Variants in TMEM232 observed in about 807,000 individuals in gnomAD.
TMEM232 encodes the protein transmembrane protein 232.
TMEM232 carries 80 observed loss-of-function variants against 78.8 expected under a neutral mutation model. The ratio of observed to expected loss-of-function variants is 1.01; its 90% CI spans 0.85 to 1.22. The LOEUF is 1.22. Among genes scored for constraint, TMEM232 ranks in the 50% most tolerant of loss-of-function variants. The pLI is 0.00. For synonymous variants in TMEM232, 297 were observed against 254.3 expected, an observed-to-expected ratio of 1.17 and a Z score of -1.60; for missense variants, 881 against 742.2, an observed-to-expected ratio of 1.19 and a Z score of -2.17.
chr5:110,420,137 A>C lies in TMEM232; in HGVS notation c.*443T>G, dbSNP rs1035901531. ...AAGATGCCATACTGTTTTTATTTGA[A>C]TAATAGTAATTACAGGATTGTTAGT... On this transcript the variant is annotated 3_prime_UTR_variant, in exon 14 of 14. Coordinates refer to ENST00000455884, the MANE Select transcript of TMEM232 (RefSeq NM_001039763.4). 1 of 152,684 alleles carries C rather than the reference A, an allele frequency of 6.5e-6. No homozygotes were observed. The highest frequency in any genetic ancestry group is 6.5e-5 in the Admixed American group (1 of 15,278). The allele number at this position is 152,684 out of a possible 1,614,324, so 9.5% of individuals were successfully genotyped here.
At position 110,618,513 on chromosome 5, in the gene TMEM232, G is replaced by C. The variant is rs1331081501; in HGVS notation, c.818C>G (p.Ser273Cys). The part of the protein sequence containing the change: ...HLLWHCVAAW[S>C]CVQNNSPQLN... Reference sequence around the variant, plus strand: ...CTGAGGACTGTTATTCTGAACACAAGACCAAGCAGCAACACAGTGCCAGAG... The same window carrying C: ...CTGAGGACTGTTATTCTGAACACAACACCAAGCAGCAACACAGTGCCAGAG... The change falls in exon 8 of 14, where the codon TCT (serine) becomes TGT (cysteine). Residue 273 changes from serine (S) to cysteine (C), a missense_variant. Physicochemically the swap from Ser to Cys is moderately radical, Grantham distance 112 (BLOSUM62 -1). Transcript: ENST00000455884. The C allele has an allele frequency of 6.4e-7, 1 of 1,551,634 alleles. No individual in the cohort carries two copies. Among genetic ancestry groups the C allele is most frequent in the Admixed American group, 2.0e-5 (1 of 50,894 alleles).
intron 5 of TMEM232, among the ~76,000 whole-genome samples, chr5:110,631,122 G>A (rs1252595675): frequency 6.6e-6 from 1 of 152,106 alleles, no homozygotes; most frequent in African/African-American, 2.4e-5. Flanking sequence ...CTACCCAGCA[G>A]CCTACAGTGG....
chr5:110,656,893 T>C (rs1789152429), intron 2 of TMEM232, among the ~76,000 whole-genome samples: 1 of 151,412 alleles, frequency 6.6e-6, no homozygotes, highest in Non-Finnish European at 1.5e-5. Flanking sequence ...ATTTTAAAAG[T>C]CAGTGGAGAT....
rs201301944 is a variant in TMEM232, at chr5:110,736,378, CA to C, written c.-125-1364del. Among the ~76,000 whole-genome samples the C allele has an allele frequency of 3.8e-3, 572 of 151,496 alleles. 1 individual carries two copies. Among genetic ancestry groups the C allele is most frequent in the Non-Finnish European group, 6.3e-3 (429 of 67,848 alleles). The stretch of plus-strand genomic sequence containing the variant: ...TTTTCTAAAATAATTTTTCTTCTTA[CA>C]AAAAAAAGCTAAGTTTTTAGAGCAA... On this transcript the variant is annotated intron_variant, in intron 1 of 4. Coordinates refer to the TMEM232 transcript ENST00000512886.
intron 5 of TMEM232, among the ~76,000 whole-genome samples, chr5:110,636,514 T>G (rs1580449646): frequency 6.6e-6 from 1 of 151,978 alleles, no homozygotes; most frequent in African/African-American, 2.4e-5. Context: ...AACACTAACA[T>G]GTACTTCATA....
chr5:110,661,516 T>A (rs748385320), intron 2 of TMEM232, among the ~76,000 whole-genome samples: 9 of 152,078 alleles, frequency 5.9e-5, no homozygotes, highest in Non-Finnish European at 1.0e-4. Context: ...TTTGCCATGT[T>A]ACCCAGGCTG....
intron 2 of TMEM232, among the ~76,000 whole-genome samples, chr5:110,656,034 A>G (rs1788999328): frequency 6.6e-6 from 1 of 151,432 alleles, no homozygotes; most frequent in African/African-American, 2.4e-5. Flanking sequence ...GTGCACATGT[A>G]CCCTAAAACT....
chr5:110,738,943 C>A (rs186912891), upstream of TMEM232: 3 of 1,430,736 alleles, frequency 2.1e-6, no homozygotes, highest in Admixed American at 8.7e-5. Context: ...TTAATGGTTG[C>A]CGGAAGAGGC....
chr5:110,738,512 CT>C (rs1465133219), upstream of TMEM232, among the ~76,000 whole-genome samples: 2 of 152,174 alleles, frequency 1.3e-5, no homozygotes, highest in Non-Finnish European at 2.9e-5. Context: ...GTCCACAGTA[CT>C]TTCGCGTTCA....
At chr5:110,443,441 T>C (rs773912294) in intron 12 of TMEM232, among the ~76,000 whole-genome samples, 12 of 152,106 alleles carry the variant, frequency 7.9e-5, no homozygotes, top group Non-Finnish European at 7.4e-5. Flanking sequence ...AGTCAGCTTG[T>C]GGTGAATTAT....
upstream of TMEM232, among the ~76,000 whole-genome samples, chr5:110,728,086 C>T (rs1343252486): frequency 1.3e-5 from 2 of 151,820 alleles, no homozygotes; most frequent in Non-Finnish European, 1.5e-5. Context: ...AAAAGGAAGG[C>T]CGAATAAAAA....
intron 12 of TMEM232, among the ~76,000 whole-genome samples, chr5:110,509,140 A>C (rs1006848722): frequency 6.6e-6 from 1 of 150,856 alleles, no homozygotes; most frequent in Non-Finnish European, 1.5e-5. Context: ...TATTTAAAAA[A>C]ATTTTTTTGG....
chr5:110,718,467 CTTAT>C (rs1797248083), intron 1 of TMEM232, among the ~76,000 whole-genome samples: 1 of 151,840 alleles, frequency 6.6e-6, no homozygotes, highest in Admixed American at 6.6e-5. Flanking sequence ...AGCTGTTAAT[CTTAT>C]TTATGTTCTT....
intron 10 of TMEM232, among the ~76,000 whole-genome samples, chr5:110,601,410 C>T (rs1314703547): frequency 1.3e-5 from 2 of 152,146 alleles, no homozygotes; most frequent in African/African-American, 2.4e-5. Context: ...ACCCCACTGG[C>T]TCAGCCCAAA....
At chr5:110,482,711 T>C (rs1452441920) in intron 12 of TMEM232, among the ~76,000 whole-genome samples, 2 of 151,506 alleles carry the variant, frequency 1.3e-5, no homozygotes, top group East Asian at 3.8e-4. Context: ...CCCGTAAACA[T>C]GAATGAGTAA....
At chr5:110,476,906 A>G (rs777216064) in intron 12 of TMEM232, among the ~76,000 whole-genome samples, 15 of 152,134 alleles carry the variant, frequency 9.9e-5, no homozygotes, top group Non-Finnish European at 1.9e-4. Context: ...TTATAACACC[A>G]ACAGACAGAG....
In TMEM232 at chr5:110,667,345, A is replaced by G. The variant is rs74501411; in HGVS notation, c.8T>C (p.Met3Thr). 166 of 1,506,994 alleles carry G rather than the reference A, an allele frequency of 1.1e-4. 2 individuals are homozygous for G. In the East Asian group the frequency reaches 3.5e-3, roughly 32 times the overall value. 93.4% of individuals were successfully genotyped at this position (1,506,994 alleles called of 1,614,324 possible). The change falls in exon 2 of 14, where the codon ATG becomes ACG. Residue 3 changes from methionine (M) to threonine (T), a missense_variant. Physicochemically the swap from Met to Thr is moderately conservative, Grantham distance 81. Coordinates refer to ENST00000455884, the MANE Select transcript of TMEM232 (RefSeq NM_001039763.4). ...AATCATAGGTGATTTGTTAACAGGC[A>G]TATTCATAAATCATAAATTCTAAAA... is the stretch of plus-strand genomic sequence containing the variant. Reference protein sequence around the residue: MNMPVNKSPMINT... With the variant: MNTPVNKSPMINT...
intron 12 of TMEM232, among the ~76,000 whole-genome samples, chr5:110,489,025 T>C (rs1210813753): frequency 1.3e-5 from 2 of 151,740 alleles, no homozygotes; most frequent in South Asian, 2.1e-4. Flanking sequence ...AAAACCTGAA[T>C]AGACTTATAA....
intron 2 of TMEM232, among the ~76,000 whole-genome samples, chr5:110,412,421 C>G (rs1470723647): frequency 6.6e-6 from 1 of 152,148 alleles, no homozygotes; most frequent in African/African-American, 2.4e-5. Flanking sequence ...CATGGGCATT[C>G]TGAGAGCTCC....
Sources: allele counts gnomAD v4.1 joint callset (sites outside exome capture counted in the v4.1 genomes callset), GRCh38; gene constraint gnomAD v4.1.1; transcripts MANE v1.5; gene names NCBI Gene and HGNC (gene_info 2026-07-23, HGNC 2026-07-21).